The following SEMA7A variants were observed in gnomAD, a reference collection of about 807,000 sequenced individuals.
SEMA7A encodes the protein semaphorin 7A (JohnMiltonHagen blood group).
A neutral mutation model predicts 67.5 loss-of-function variants in SEMA7A; 21 were observed. That is an observed-to-expected ratio of 0.31 (90% confidence interval 0.22 to 0.45). The LOEUF (loss-of-function observed/expected upper bound fraction) is 0.45, where lower values mean the gene tolerates loss of function less well. Among genes scored for constraint, SEMA7A ranks in the 20% least tolerant of loss-of-function variants. The probability of loss-of-function intolerance (pLI) is 1.00; values close to 1 mark genes in which losing one functional copy is unlikely to be tolerated. For synonymous variants in SEMA7A, 364 were observed against 368.5 expected, an observed-to-expected ratio of 0.99 and a Z score of 0.14; for missense variants, 774 against 908.6, an observed-to-expected ratio of 0.85 and a Z score of 1.90.
chr15:74,421,641 C>G (rs1410038872), intron 1 of SEMA7A, among the ~76,000 whole-genome samples: 2 of 152,212 alleles, frequency 1.3e-5, no homozygotes, highest in African/African-American at 4.8e-5. Flanking sequence ...CCAGCCCCAG[C>G]CTGGGCTCCC....
chr15:74,411,317 CT>C lies in SEMA7A; in HGVS notation c.1616del (p.Lys539ArgfsTer26). The part of the protein sequence containing the change: ...LQSINPAEPH[K>X]ECPNPKPDKA... ...TACCTGGTTTGGGGTTGGGACACTC[CT>C]TGTGTGGCTCGGCTGGATTAATGGA... On this transcript the variant is annotated frameshift_variant, in exon 13 of 14. Transcript: ENST00000261918. LOFTEE classifies it low-confidence loss of function (END_TRUNC). This position sits in a 1 kb window ranked among gnomAD's most constrained non-coding sequence, Gnocchi z 4.4. 6.2e-7 allele frequency: 1 copy of C among 1,614,112 alleles called. No homozygotes were observed. Among genetic ancestry groups the C allele is most frequent in the Non-Finnish European group, 8.5e-7 (1 of 1,179,990 alleles).
At chr15:74,419,966 GT>G (rs2060986094) in intron 1 of SEMA7A, among the ~76,000 whole-genome samples, 1 of 152,162 alleles carries the variant, frequency 6.6e-6, no homozygotes, top group Non-Finnish European at 1.5e-5. Context: ...GCCTGTGGTT[GT>G]GCCCCCAGCA....
rs1021354515 is a variant in SEMA7A, at chr15:74,423,657, C to A, written c.179-4705G>T. Among the ~76,000 whole-genome samples the A allele has an allele frequency of 3.9e-5, 6 of 152,186 alleles. No homozygotes were observed. The highest frequency in any genetic ancestry group is 8.8e-5 in the Non-Finnish European group (6 of 68,032). ...AGGGAATCACCCGCCCACCCACCTTCCAGGTGAGGCCCTGATCTCCTAGGG... is the reference window on the plus strand; with the variant it reads ...AGGGAATCACCCGCCCACCCACCTTACAGGTGAGGCCCTGATCTCCTAGGG... On this transcript the variant is annotated intron_variant, in intron 1 of 13. Coordinates refer to ENST00000261918, the MANE Select transcript of SEMA7A (RefSeq NM_003612.5). This position sits in a 1 kb window ranked among gnomAD's most constrained non-coding sequence, Gnocchi z 4.1.
intron 1 of SEMA7A, among the ~76,000 whole-genome samples, chr15:74,431,953 G>T (rs1308167935): frequency 6.6e-6 from 1 of 152,252 alleles, no homozygotes; most frequent in Non-Finnish European, 1.5e-5. Flanking sequence ...GGGCGGGGGG[G>T]TAGGCCATGG....
Position 74,416,740 on chromosome 15 carries a change from G to GT in SEMA7A, c.662-27dup. The GT allele has an allele frequency of 1.9e-6, 3 of 1,609,988 alleles. No individual in the cohort carries two copies. The East Asian group carries it at 6.7e-5, about 36-fold the overall frequency. Reference sequence around the variant, plus strand: ...CTGCCAGGGACAGAGGCGAGTGGGCGTAAGGCTGGGAAGCTTGCCCGGGAG... The same window carrying GT: ...CTGCCAGGGACAGAGGCGAGTGGGCGTTAAGGCTGGGAAGCTTGCCCGGGAG... On this transcript the variant is annotated intron_variant, in intron 6 of 13. Coordinates refer to ENST00000261918, the MANE Select transcript of SEMA7A (RefSeq NM_003612.5).
chr15:74,415,997 G>A lies in SEMA7A; in HGVS notation c.802-12C>T, dbSNP rs1231114310. 2.5e-6 allele frequency: 4 copies of A among 1,611,808 alleles called. No homozygotes were observed. The highest frequency in any genetic ancestry group is 2.5e-6 in the Non-Finnish European group (3 of 1,178,278). ...CCACCCTGGTCCCCCTGGAAGGGTA[G>A]AGGGGAGAAGAGGCCCCTCAGCACC... On this transcript the variant is annotated splice_polypyrimidine_tract_variant and intron_variant, in intron 7 of 13. Coordinates refer to ENST00000261918, the MANE Select transcript of SEMA7A (RefSeq NM_003612.5).
In SEMA7A at chr15:74,411,441, A is replaced by G. The variant is rs757544853; in HGVS notation, c.1578-85T>C. 1.2e-5 allele frequency: 19 copies of G among 1,556,012 alleles called. No individual in the cohort carries two copies. The highest frequency in any genetic ancestry group is 1.7e-5 in the Non-Finnish European group (19 of 1,146,440). On this transcript the variant is annotated intron_variant, in intron 12 of 13. Coordinates refer to ENST00000261918, the MANE Select transcript of SEMA7A (RefSeq NM_003612.5). This position sits in a 1 kb window ranked among gnomAD's most constrained non-coding sequence, Gnocchi z 4.4. ...ATCCTTACCCCAGTGCAGTTCCAGC[A>G]GAGAGGAGGGTCCCACAAGAAAGGC... is the stretch of plus-strand genomic sequence containing the variant.
chr15:74,424,262 C>T (rs533463447), intron 1 of SEMA7A, among the ~76,000 whole-genome samples: 1 of 152,126 alleles, frequency 6.6e-6, no homozygotes, highest in South Asian at 2.1e-4. Flanking sequence ...TAGCTGGGTG[C>T]GAGTCAGGGT....
At chr15:74,426,551 G>C (rs1013408771) in intron 1 of SEMA7A, among the ~76,000 whole-genome samples, 2 of 152,162 alleles carry the variant, frequency 1.3e-5, no homozygotes, top group South Asian at 4.1e-4. Flanking sequence ...GAGGTGCAGC[G>C]TGGGGCCCCG....
At chr15:74,412,303 G>A (rs914502576) in intron 10 of SEMA7A, among the ~76,000 whole-genome samples, 3 of 152,178 alleles carry the variant, frequency 2.0e-5, no homozygotes, top group Non-Finnish European at 4.4e-5. Context: ...CCCCACACCA[G>A]CAAGGTCAGT....
chr15:74,433,658 A>C, intron 1 of SEMA7A, 83 bp downstream of exon 1: 1 of 1,314,108 alleles, frequency 7.6e-7, no homozygotes, highest in Non-Finnish European at 9.7e-7. Context: ...GCGCGCACGC[A>C]CTCCCTCCGG....
chr15:74,417,265 G>T, intron 6 of SEMA7A, 70 bp downstream of exon 6: 1 of 1,233,594 alleles, frequency 8.1e-7, no homozygotes. Flanking sequence ...AGAAACATCA[G>T]GATCCCATCT....
chr15:74,426,633 G>A (rs1311481165), intron 1 of SEMA7A, among the ~76,000 whole-genome samples: 3 of 152,238 alleles, frequency 2.0e-5, no homozygotes, highest in African/African-American at 4.8e-5. Flanking sequence ...CTGTGGGGCC[G>A]GGTGCCATGG....
At position 74,411,794 on chromosome 15, in the gene SEMA7A, C is replaced by T. The variant is rs2060903090; in HGVS notation, c.1423-84G>A. 6.2e-7 allele frequency: 1 copy of T among 1,602,624 alleles called. No individual in the cohort carries two copies. The highest frequency in any genetic ancestry group is 1.3e-5 in the African/African-American group (1 of 74,694). On this transcript the variant is annotated intron_variant, in intron 11 of 13. Coordinates refer to ENST00000261918, the MANE Select transcript of SEMA7A (RefSeq NM_003612.5). This position sits in a 1 kb window ranked among gnomAD's most constrained non-coding sequence, Gnocchi z 4.4. ...GTCCAGGCCCTAAGGCCTAGAAGCT[C>T]TTAAAAGAACACACAAATCACATGC...
intron 1 of SEMA7A, chr15:74,427,168 AACCATCTGGCACC>A: frequency 1.0e-6 from 1 of 977,398 alleles, no homozygotes; most frequent in Non-Finnish European, 1.2e-6. Context: ...TTGTACCACA[AACCATCTGGCACC>A]ACCATCTTCG....
intron 1 of SEMA7A, chr15:74,427,259 C>T: frequency 1.0e-6 from 1 of 985,448 alleles, no homozygotes; most frequent in Non-Finnish European, 1.2e-6. Context: ...ACCAGGCTTC[C>T]TCTTGCTCCA....
In SEMA7A at chr15:74,418,876, G is replaced by A; in HGVS notation, c.255C>T (p.Ser85=). ...HTVLFHEPGS[S]SVWVGGRGKV... ...TGCCACGTCCTCCCACCCACACAGAGGAGCTGCCTGGCTCGTGGAAAAGCA... is the reference window on the plus strand; with the variant it reads ...TGCCACGTCCTCCCACCCACACAGAAGAGCTGCCTGGCTCGTGGAAAAGCA... Residue 85 remains serine, a synonymous_variant, in exon 2 of 14, where the codon TCC becomes TCT. Transcript: ENST00000261918. 2 of 1,613,904 alleles carry A rather than the reference G, an allele frequency of 1.2e-6. No homozygotes were observed. Among genetic ancestry groups the A allele is most frequent in the South Asian group, 1.1e-5 (1 of 91,092 alleles).
chr15:74,415,480 G>A (rs1309750756), intron 8 of SEMA7A, among the ~76,000 whole-genome samples: 1 of 152,156 alleles, frequency 6.6e-6, no homozygotes, highest in Admixed American at 6.5e-5. Flanking sequence ...CCAGCTCCCC[G>A]AGAGATGCTT....
chr15:74,414,505 G>A lies in SEMA7A; in HGVS notation c.1294+42C>T, dbSNP rs749483913. On this transcript the variant is annotated intron_variant, in intron 10 of 13. Coordinates refer to ENST00000261918, the MANE Select transcript of SEMA7A (RefSeq NM_003612.5). This position sits in a 1 kb window ranked among gnomAD's most constrained non-coding sequence, Gnocchi z 4.1. ...ATTATTCCTTACACCTTTCATGCCC[G>A]TTTTTACAAAGCAAACTGAGGGTCC... 27 of 1,584,400 alleles carry A rather than the reference G, an allele frequency of 1.7e-5. No individual in the cohort carries two copies. The East Asian group carries it at 2.5e-4, about 14-fold the overall frequency.
Sources: gnomAD v4.1 joint callset for allele counts (sites outside exome capture counted in the v4.1 genomes callset) on GRCh38, gnomAD v4.1.1 for gene constraint, Gnocchi (gnomAD v3.1) non-coding constraint, MANE v1.5 for transcripts, NCBI Gene and HGNC (gene_info 2026-07-23, HGNC 2026-07-21) for gene names.